SLC10A7: variants seen among roughly 807,000 people sequenced by gnomAD.
SLC10A7 encodes solute carrier family 10 member 7.
A neutral mutation model predicts 43.2 loss-of-function variants in SLC10A7; 29 were observed. The ratio of observed to expected loss-of-function variants is 0.67; its 90% confidence interval spans 0.50 to 0.92. The LOEUF (loss-of-function observed/expected upper bound fraction) is 0.92, where lower values mean the gene tolerates loss of function less well. SLC10A7 is among the 40% of genes least tolerant of loss of function. The pLI is 0.00. For missense variants in SLC10A7, 295 were observed against 403.2 expected (o/e 0.73, Z 2.30); for synonymous variants, 152 against 144.8 (o/e 1.05, Z -0.35).
intron 6 of SLC10A7, among the ~76,000 whole-genome samples, chr4:146,314,049 G>A (rs964447737): frequency 5.3e-5 from 8 of 152,106 alleles, no homozygotes; most frequent in African/African-American, 1.9e-4. Context: ...TAACCTGGAA[G>A]GGGCATTCAA....
intron 7 of SLC10A7, among the ~76,000 whole-genome samples, chr4:146,298,303 G>C (rs1482897494): frequency 6.6e-6 from 1 of 152,162 alleles, no homozygotes; most frequent in African/African-American, 2.4e-5. Context: ...CTGTTTATCA[G>C]TACACCTCAC....
At chr4:146,308,158 C>A (rs1223591777) in intron 6 of SLC10A7, among the ~76,000 whole-genome samples, 1 of 152,110 alleles carries the variant, frequency 6.6e-6, no homozygotes, top group Non-Finnish European at 1.5e-5. Flanking sequence ...GAGATCAGAG[C>A]AAGCTACTCA....
chr4:146,442,428 G>A lies in SLC10A7; in HGVS notation c.435+355C>T, dbSNP rs1238748363. 2.1e-5 allele frequency: 21 copies of A among 1,024,278 alleles called. No homozygotes were observed. The Admixed American group carries it at 2.4e-4, about 12-fold the overall frequency. The allele number at this position is 1,024,278 out of a possible 1,614,324, so 63.4% of individuals were successfully genotyped here. ...TTCCCTTTCTGACCAGCTGGGTCAT[G>A]TTTCCTTTTCAAAATCCTCAGTCCC... On this transcript the variant is annotated intron_variant, in intron 5 of 11. Coordinates refer to ENST00000335472, the MANE Select transcript of SLC10A7 (RefSeq NM_001029998.6).
intron 4 of SLC10A7, among the ~76,000 whole-genome samples, chr4:146,468,360 T>C (rs1229657730): frequency 6.6e-6 from 1 of 152,080 alleles, no homozygotes; most frequent in African/African-American, 2.4e-5. Context: ...TTCTGATAAA[T>C]TTGAAAACAT....
rs535938969 is a variant in SLC10A7, at chr4:146,508,666, T to A, written c.320+1247A>T. 3.3e-5 allele frequency among the ~76,000 whole-genome samples: 5 copies of A among 152,290 alleles called. No individual in the cohort carries two copies. The East Asian group carries it at 9.7e-4, about 29-fold the overall frequency. The stretch of plus-strand genomic sequence containing the variant: ...CACTGCTGAAAGCTCTACTGTAAAA[T>A]CTATCTGGCACACATTCATTCCTCT... On this transcript the variant is annotated intron_variant, in intron 3 of 11. Transcript: ENST00000335472.
intron 4 of SLC10A7, among the ~76,000 whole-genome samples, chr4:146,467,073 C>T (rs926740409): frequency 2.0e-5 from 3 of 152,130 alleles, no homozygotes; most frequent in Admixed American, 2.0e-4. Context: ...AGGCTAAGAG[C>T]TTGCTAAAAG....
rs776153195 is a variant in SLC10A7 at position 146,289,706 on chromosome 4, G to GTTT, written c.773+3220_773+3222dup. On this transcript the variant is annotated intron_variant, in intron 9 of 11. Transcript: ENST00000335472. ...GCTAATGCCCCATCTCTGATTATTA[G>GTTT]TTTTTTTTTTTTTTTTTTTTTTTTT... 3.7e-3 allele frequency among the ~76,000 whole-genome samples: 323 copies of GTTT among 88,092 alleles called. 37 individuals are homozygous for GTTT. The highest frequency in any genetic ancestry group is 0.034 in the East Asian group (84 of 2,462). 57.8% of individuals were successfully genotyped at this position (88,092 alleles called of 152,430 possible).
At chr4:146,456,518 T>C (rs1051645772) in intron 4 of SLC10A7, among the ~76,000 whole-genome samples, 1 of 151,956 alleles carries the variant, frequency 6.6e-6, no homozygotes, top group African/African-American at 2.4e-5. Flanking sequence ...GGGGTTCCAA[T>C]GTCCTCCTTA....
intron 4 of SLC10A7, among the ~76,000 whole-genome samples, chr4:146,476,676 A>G (rs1734055606): frequency 6.6e-6 from 1 of 152,150 alleles, no homozygotes; most frequent in Admixed American, 6.6e-5. Flanking sequence ...AAATCTTACT[A>G]TTAAAAAACT....
At chr4:146,466,470 G>T (rs750174031) in intron 4 of SLC10A7, among the ~76,000 whole-genome samples, 7 of 152,072 alleles carry the variant, frequency 4.6e-5, no homozygotes, top group Non-Finnish European at 1.5e-5. Flanking sequence ...TAACCAAACT[G>T]AATTTCATTT....
intron 6 of SLC10A7, among the ~76,000 whole-genome samples, chr4:146,310,359 G>C (rs548004252): frequency 1.3e-5 from 2 of 152,140 alleles, no homozygotes; most frequent in Non-Finnish European, 2.9e-5. Flanking sequence ...TTGCTGGGTT[G>C]AATGGTAGTT....
chr4:146,356,454 T>C (rs1487172581), intron 5 of SLC10A7, among the ~76,000 whole-genome samples: 1 of 152,130 alleles, frequency 6.6e-6, no homozygotes, highest in African/African-American at 2.4e-5. Context: ...CTGAAACACT[T>C]AGTTCATTTG....
intron 10 of SLC10A7, among the ~76,000 whole-genome samples, chr4:146,265,659 A>G (rs1728507083): frequency 6.6e-6 from 1 of 152,224 alleles, no homozygotes; most frequent in East Asian, 1.9e-4. Flanking sequence ...GCTGGTGCTC[A>G]ATACATAAAT....
At chr4:146,344,182 ACCGGAT>A (rs1466062489) in intron 5 of SLC10A7, among the ~76,000 whole-genome samples, 2 of 152,046 alleles carry the variant, frequency 1.3e-5, no homozygotes, top group African/African-American at 4.8e-5. Context: ...AAATGAAGTG[ACCGGAT>A]GCTCACGGGA....
chr4:146,289,557 C>G (rs1336066934), intron 9 of SLC10A7, among the ~76,000 whole-genome samples: 3 of 151,718 alleles, frequency 2.0e-5, no homozygotes, highest in Non-Finnish European at 4.4e-5. Context: ...TTTAAATTTG[C>G]AGTTTCCCAA....
At chr4:146,283,558 G>A (rs932533062) in intron 9 of SLC10A7, among the ~76,000 whole-genome samples, 1 of 152,010 alleles carries the variant, frequency 6.6e-6, no homozygotes, top group Admixed American at 6.6e-5. Flanking sequence ...AATGCAACAA[G>A]GAACTCTAAG....
chr4:146,372,594 CTAA>C (rs1736875885), intron 5 of SLC10A7, among the ~76,000 whole-genome samples: 1 of 151,956 alleles, frequency 6.6e-6, no homozygotes, highest in African/African-American at 2.4e-5. Context: ...CTTAGCTTAT[CTAA>C]TAATAACAGA....
At chr4:146,326,608 G>T (rs1395125742) in intron 5 of SLC10A7, among the ~76,000 whole-genome samples, 2 of 152,198 alleles carry the variant, frequency 1.3e-5, no homozygotes, top group East Asian at 1.9e-4. Context: ...ATGAGCAAAA[G>T]ATTTGTTTTC....
chr4:146,285,156 G>T (rs1197399010), intron 9 of SLC10A7, among the ~76,000 whole-genome samples: 1 of 152,130 alleles, frequency 6.6e-6, no homozygotes. Flanking sequence ...CTTATGATCA[G>T]GAGTATGGAG....
Sources: gnomAD v4.1 joint callset for allele counts (sites outside exome capture counted in the v4.1 genomes callset) on GRCh38, gnomAD v4.1.1 for gene constraint, MANE v1.5 for transcripts, NCBI Gene and HGNC (gene_info 2026-07-23, HGNC 2026-07-21) for gene names.